FHIP1A: variants seen among roughly 807,000 people sequenced by gnomAD.
FHIP1A encodes FHF complex subunit HOOK interacting protein 1A, also known as FHF complex subunit HOOK-interacting protein 1A.
FHIP1A carries 61 observed loss-of-function variants against 88.6 expected under a neutral mutation model. That is an observed-to-expected ratio of 0.69 (90% CI 0.56 to 0.85). The LOEUF is 0.85. FHIP1A is among the 40% of genes least tolerant of loss of function. The probability of loss-of-function intolerance (pLI) is 0.00; values close to 1 mark genes in which losing one functional copy is unlikely to be tolerated. For missense variants in FHIP1A, 1,154 were observed against 1,273.5 expected, an observed-to-expected ratio of 0.91 and a Z score of 1.43; for synonymous variants, 478 against 496.0, an observed-to-expected ratio of 0.96 and a Z score of 0.48.
chr4:151,541,174 A>T (rs1020604776), intron 3 of FHIP1A, among the ~76,000 whole-genome samples: 2 of 152,306 alleles, frequency 1.3e-5, no homozygotes, highest in African/African-American at 4.8e-5. Flanking sequence ...ACTAGAGATC[A>T]TTGTTTATTA....
In FHIP1A at chr4:151,619,162, T is replaced by C. The variant is rs114253453; in HGVS notation, c.979-10540T>C. On this transcript the variant is annotated intron_variant, in intron 7 of 13. Transcript: ENST00000435205. The stretch of plus-strand genomic sequence containing the variant: ...TTATTACTTGCTTTATGTTGTAGAC[T>C]TCTCAAGACATCCATGATCATATTT... Among the ~76,000 whole-genome samples the C allele has an allele frequency of 4.7e-3, 716 of 152,354 alleles. 6 individuals carry two copies. The highest frequency in any genetic ancestry group is 0.016 in the African/African-American group (677 of 41,584).
In FHIP1A at chr4:151,653,015, G is replaced by T. The variant is rs193179549; in HGVS notation, c.2551+2423G>T. Among the ~76,000 whole-genome samples, 6 of 152,224 alleles carry T rather than the reference G, an allele frequency of 3.9e-5. No individual in the cohort carries two copies. The East Asian group carries it at 1.2e-3, about 29-fold the overall frequency. Reference sequence around the variant, plus strand: ...GGGGAGAGCACTGGAGTGGGGAGAGGTTGGTGCCAGGAAAAACAAGTGAGA... The same window carrying T: ...GGGGAGAGCACTGGAGTGGGGAGAGTTTGGTGCCAGGAAAAACAAGTGAGA... On this transcript the variant is annotated intron_variant, in intron 11 of 13. Coordinates refer to ENST00000435205, the MANE Select transcript of FHIP1A (RefSeq NM_001109977.3).
At chr4:151,453,477 A>G (rs1220882335) in intron 1 of FHIP1A, among the ~76,000 whole-genome samples, 2 of 152,250 alleles carry the variant, frequency 1.3e-5, no homozygotes, top group Non-Finnish European at 2.9e-5. Flanking sequence ...GGAGATAATG[A>G]TAATATACTC....
At position 151,629,827 on chromosome 4, in the gene FHIP1A, C is replaced by T. The variant is rs1012246759; in HGVS notation, c.1104C>T (p.His368=). 2 of 1,551,440 alleles carry T rather than the reference C, an allele frequency of 1.3e-6. No homozygotes were observed. Among genetic ancestry groups the T allele is most frequent in the African/African-American group, 1.4e-5 (1 of 73,168 alleles). ...FILLHQHENV[H]ILDTLTSRIN... is the part of the protein sequence containing the mutation. ...TATTGCACCAGCACGAGAATGTCCA[C>T]ATCCTAGACACTCTCACGAGTCGAA... Residue 368 remains histidine, a synonymous_variant, in exon 8 of 14, where the codon CAC becomes CAT. Transcript: ENST00000435205.
chr4:151,522,067 T>C (rs939610070), intron 3 of FHIP1A, among the ~76,000 whole-genome samples: 5 of 152,226 alleles, frequency 3.3e-5, no homozygotes, highest in Admixed American at 2.0e-4. Context: ...CTTAGATGTC[T>C]GAAACTTTCA....
At chr4:151,476,408 A>G (rs1256577102) in intron 2 of FHIP1A, among the ~76,000 whole-genome samples, 1 of 151,856 alleles carries the variant, frequency 6.6e-6, no homozygotes, top group African/African-American at 2.4e-5. Flanking sequence ...CTCATCCTCC[A>G]GAAGTGCTGG....
At position 151,566,335 on chromosome 4, in the gene FHIP1A, A is replaced by G; in HGVS notation, c.76A>G (p.Met26Val). The G allele has an allele frequency of 1.3e-6, 2 of 1,550,636 alleles. No homozygotes were observed. Among genetic ancestry groups the G allele is most frequent in the Non-Finnish European group, 1.7e-6 (2 of 1,146,016 alleles). ...ACAGGGAGTTGACCCAGAAACATGCATGATTGTATTTAAAAACCACTGGGC... is the reference window on the plus strand; with the variant it reads ...ACAGGGAGTTGACCCAGAAACATGCGTGATTGTATTTAAAAACCACTGGGC... Reference protein sequence around the residue: ...SLQGVDPETCMIVFKNHWAQV... With the variant: ...SLQGVDPETCVIVFKNHWAQV... The change falls in exon 4 of 14, where the codon ATG becomes GTG. Residue 26 changes from methionine (M) to valine (V), a missense_variant. Coordinates refer to ENST00000435205, the MANE Select transcript of FHIP1A (RefSeq NM_001109977.3).
In FHIP1A at chr4:151,620,466, C is replaced by T. The variant is rs1373542541; in HGVS notation, c.979-9236C>T. On this transcript the variant is annotated intron_variant, in intron 7 of 13. Coordinates refer to ENST00000435205, the MANE Select transcript of FHIP1A (RefSeq NM_001109977.3). ...GGCCAGTCTCAACTAGCCTAGAGGTCGTCTTAAGCATTTGACCCTGACATA... is the reference window on the plus strand; with the variant it reads ...GGCCAGTCTCAACTAGCCTAGAGGTTGTCTTAAGCATTTGACCCTGACATA... 3.3e-5 allele frequency among the ~76,000 whole-genome samples: 5 copies of T among 152,168 alleles called. No individual in the cohort carries two copies. The East Asian group carries it at 9.6e-4, about 29-fold the overall frequency.
At chr4:151,627,197 TA>T (rs1188121754) in intron 7 of FHIP1A, among the ~76,000 whole-genome samples, 3 of 152,216 alleles carry the variant, frequency 2.0e-5, no homozygotes, top group African/African-American at 7.2e-5. Flanking sequence ...GCATGTTATA[TA>T]AATGCTGTCC....
intron 3 of FHIP1A, among the ~76,000 whole-genome samples, chr4:151,550,007 G>T (rs567302837): frequency 6.6e-6 from 1 of 152,084 alleles, no homozygotes; most frequent in Non-Finnish European, 1.5e-5. Flanking sequence ...GTTTATTTTT[G>T]AAAGAACAAG....
intron 2 of FHIP1A, among the ~76,000 whole-genome samples, chr4:151,477,217 G>GT (rs1471995428): frequency 6.6e-6 from 1 of 152,098 alleles, no homozygotes; most frequent in Non-Finnish European, 1.5e-5. Flanking sequence ...TGAAACATTG[G>GT]TATTGCCAGA....
rs543515107 is a variant in FHIP1A, at chr4:151,641,156, A to G, written c.1226+2400A>G. On this transcript the variant is annotated intron_variant, in intron 9 of 13. Coordinates refer to ENST00000435205, the MANE Select transcript of FHIP1A (RefSeq NM_001109977.3). ...CTTTAATGAGGATGATAGTGATAAT[A>G]ATAATAATATAGTTGCTCTTAATTG... Among the ~76,000 whole-genome samples, 12 of 152,266 alleles carry G rather than the reference A, an allele frequency of 7.9e-5. No individual in the cohort carries two copies. The East Asian group carries it at 2.3e-3, about 29-fold the overall frequency.
At position 151,577,985 on chromosome 4, in the gene FHIP1A, A is replaced by G; in HGVS notation, c.641A>G (p.Gln214Arg). The G allele has an allele frequency of 6.4e-7, 1 of 1,551,110 alleles. No homozygotes were observed. ...CACCGAGAGGGGTCAGTAGGCCAGC[A>G]AGCTCGGGATGCATTGCTCTTCATC... is the stretch of plus-strand genomic sequence containing the variant. Reference protein sequence around the residue: ...FIHREGSVGQQARDALLFIMS... With the variant: ...FIHREGSVGQRARDALLFIMS... The change falls in exon 5 of 14, where the codon CAA becomes CGA. Residue 214 changes from glutamine (Q) to arginine (R), a missense_variant. Gln to Arg is a conservative substitution (Grantham distance 43). Coordinates refer to ENST00000435205, the MANE Select transcript of FHIP1A (RefSeq NM_001109977.3).
chr4:151,472,239 G>C (rs1303025248), intron 2 of FHIP1A, among the ~76,000 whole-genome samples: 1 of 152,036 alleles, frequency 6.6e-6, no homozygotes, highest in Non-Finnish European at 1.5e-5. Flanking sequence ...AAATAGCTTT[G>C]CCCTAATAAC....
chr4:151,585,089 C>G (rs549707768), intron 5 of FHIP1A, among the ~76,000 whole-genome samples: 1 of 152,232 alleles, frequency 6.6e-6, no homozygotes, highest in East Asian at 1.9e-4. Flanking sequence ...CTTTTCTGGG[C>G]CTGCCTCATT....
chr4:151,417,448 T>C (rs1182399179), intron 1 of FHIP1A, among the ~76,000 whole-genome samples: 1 of 152,332 alleles, frequency 6.6e-6, no homozygotes, highest in East Asian at 1.9e-4. Flanking sequence ...GTTACAAAAT[T>C]ATATTTCTAT....
chr4:151,580,941 T>G (rs1490515187), intron 5 of FHIP1A, among the ~76,000 whole-genome samples: 1 of 152,218 alleles, frequency 6.6e-6, no homozygotes, highest in Non-Finnish European at 1.5e-5. Context: ...CACTGCAACC[T>G]CCGCCTCCCG....
In FHIP1A at chr4:151,454,682, C is replaced by T. The variant is rs1381479069; in HGVS notation, c.-355-19C>T. The stretch of plus-strand genomic sequence containing the variant: ...AATGCACAGGTGTTTTTCTGAAGGA[C>T]TTTTTTTTTTTTTTCCAGGTGATAC... On this transcript the variant is annotated intron_variant, in intron 1 of 13. Coordinates refer to ENST00000435205, the MANE Select transcript of FHIP1A (RefSeq NM_001109977.3). 2 of 141,774 alleles carry T rather than the reference C, an allele frequency of 1.4e-5. No individual in the cohort carries two copies. The highest frequency in any genetic ancestry group is 2.6e-5 in the African/African-American group (1 of 38,786). 8.8% of individuals were successfully genotyped at this position (141,774 alleles called of 1,614,324 possible).
At position 151,500,458 on chromosome 4, in the gene FHIP1A, A is replaced by C. The variant is rs1222111234; in HGVS notation, c.-123+17810A>C. Among the ~76,000 whole-genome samples, 5 of 144,916 alleles carry C rather than the reference A, an allele frequency of 3.5e-5. No homozygotes were observed. In the East Asian group the frequency reaches 1.0e-3, roughly 29 times the overall value. On this transcript the variant is annotated intron_variant, in intron 3 of 13. Transcript: ENST00000435205. ...ATTCTCAAAAAAAAAAAAAAAAAAA[A>C]GACTTTGGACAGCCTGCCTGGGTTT...
Sources: gnomAD v4.1 joint callset for allele counts (sites outside exome capture counted in the v4.1 genomes callset) on GRCh38, gnomAD v4.1.1 for gene constraint, MANE v1.5 for transcripts, NCBI Gene and HGNC (gene_info 2026-07-23, HGNC 2026-07-21) for gene names.